The following MACROD2 variants were observed in gnomAD, a reference collection of about 807,000 sequenced individuals.
MACROD2 encodes the protein mono-ADP ribosylhydrolase 2.
In MACROD2, 36 loss-of-function variants were observed where a neutral mutation model predicts 70.4. The observed-to-expected ratio is 0.51, with a 90% CI of 0.39 to 0.68. The LOEUF is 0.68. MACROD2 is among the 30% of genes least tolerant of loss of function. MACROD2 has a pLI of 0.00. For synonymous variants in MACROD2, 172 were observed against 178.8 expected (o/e 0.96, Z 0.30); for missense variants, 496 against 538.4 (o/e 0.92, Z 0.78).
intron 8 of MACROD2, among the ~76,000 whole-genome samples, chr20:15,521,002 G>A (rs1240353692): frequency 5.3e-5 from 8 of 152,208 alleles, no homozygotes; most frequent in African/African-American, 1.9e-4. Context: ...GCAAGTGGGT[G>A]TTTAAACCAC....
chr20:15,763,322 T>A (rs573058131), intron 8 of MACROD2, among the ~76,000 whole-genome samples: 17 of 151,696 alleles, frequency 1.1e-4, no homozygotes, highest in African/African-American at 3.9e-4. Flanking sequence ...CAGCAGTGAG[T>A]TGAATTGGGA....
chr20:14,854,152 G>A (rs998782157), intron 5 of MACROD2, among the ~76,000 whole-genome samples: 14 of 152,134 alleles, frequency 9.2e-5, no homozygotes, highest in Non-Finnish European at 5.9e-5. Context: ...GCACCAATCA[G>A]AGAATGTCGA....
intron 4 of MACROD2, among the ~76,000 whole-genome samples, chr20:14,533,174 G>A (rs13039974): frequency 6.6e-6 from 1 of 152,186 alleles, no homozygotes; most frequent in African/African-American, 2.4e-5. Flanking sequence ...AACCTTATAA[G>A]GAAAGTAACT....
chr20:15,638,128 CA>C (rs1246384377), intron 8 of MACROD2, among the ~76,000 whole-genome samples: 1 of 152,092 alleles, frequency 6.6e-6, no homozygotes, highest in Non-Finnish European at 1.5e-5. Context: ...CACCTGGCTG[CA>C]AAACAAACAC....
chr20:15,059,983 CAAATAT>C, intron 5 of MACROD2, among the ~76,000 whole-genome samples: 1 of 152,188 alleles, frequency 6.6e-6, no homozygotes, highest in East Asian at 1.9e-4. Flanking sequence ...AGATTAGAGG[CAAATAT>C]AAATATGACC....
chr20:15,597,971 C>T (rs2048767957), intron 8 of MACROD2, among the ~76,000 whole-genome samples: 2 of 152,170 alleles, frequency 1.3e-5, no homozygotes, highest in South Asian at 2.1e-4. Flanking sequence ...CCCAGCTGCT[C>T]CAGAGGCTGA....
At chr20:14,942,785 TAAAAAGAGCAG>T (rs2074401239) in intron 5 of MACROD2, among the ~76,000 whole-genome samples, 1 of 152,058 alleles carries the variant, frequency 6.6e-6, no homozygotes, top group Admixed American at 6.6e-5. Flanking sequence ...CCTAAATTTT[TAAAAAGAGCAG>T]AAAACTATTT....
At chr20:15,528,514 G>A (rs2047752314) in intron 8 of MACROD2, among the ~76,000 whole-genome samples, 1 of 152,168 alleles carries the variant, frequency 6.6e-6, no homozygotes, top group African/African-American at 2.4e-5. Context: ...AGGATTATCT[G>A]GCTCCAAATG....
At position 15,248,517 on chromosome 20, in the gene MACROD2, C is replaced by A. The variant is rs544015618; in HGVS notation, c.540+18456C>A. On this transcript the variant is annotated intron_variant, in intron 6 of 17. Coordinates refer to ENST00000684519, the MANE Select transcript of MACROD2 (RefSeq NM_001351661.2). The stretch of plus-strand genomic sequence containing the variant: ...TCTTTACTTACCAGTACCAGTCAAA[C>A]CCTAACACTGGTGGTATAGGGGCTT... Among the ~76,000 whole-genome samples, 10 of 152,282 alleles carry A rather than the reference C, an allele frequency of 6.6e-5. No homozygotes were observed. In the East Asian group the frequency reaches 1.5e-3, roughly 24 times the overall value.
At chr20:14,445,376 A>T (rs559138855) in intron 3 of MACROD2, among the ~76,000 whole-genome samples, 2 of 152,104 alleles carry the variant, frequency 1.3e-5, no homozygotes, top group Admixed American at 1.3e-4. Context: ...CAATTTTCCC[A>T]TAAAGGTCAT....
intron 5 of MACROD2, among the ~76,000 whole-genome samples, chr20:15,116,943 C>T (rs1255300636): frequency 3.3e-5 from 5 of 152,154 alleles, no homozygotes; most frequent in Admixed American, 6.5e-5. Context: ...TAAAATAAGA[C>T]TGTTAATACT....
At chr20:15,797,520 G>A (rs961295318) in intron 8 of MACROD2, among the ~76,000 whole-genome samples, 8 of 138,148 alleles carry the variant, frequency 5.8e-5, no homozygotes, top group African/African-American at 2.0e-4. Flanking sequence ...GCTCATCATC[G>A]GATGGTCATT....
intron 3 of MACROD2, among the ~76,000 whole-genome samples, chr20:14,262,326 A>C (rs562343409): frequency 6.6e-6 from 1 of 152,320 alleles, no homozygotes; most frequent in South Asian, 2.1e-4. Flanking sequence ...GGTGGAATGT[A>C]GGTTGGCTTC....
chr20:14,259,988 C>T (rs1419707135), intron 3 of MACROD2, among the ~76,000 whole-genome samples: 1 of 152,164 alleles, frequency 6.6e-6, no homozygotes, highest in African/African-American at 2.4e-5. Flanking sequence ...GACAAGTGTG[C>T]TTTGCTCTTG....
intron 3 of MACROD2, among the ~76,000 whole-genome samples, chr20:14,226,651 G>T (rs944080487): frequency 1.3e-5 from 2 of 152,240 alleles, no homozygotes; most frequent in Non-Finnish European, 2.9e-5. Context: ...TAGCACCCGG[G>T]CCAGCGGCTG....
chr20:15,862,876 G>A, intron 9 of MACROD2, 50 bp downstream of exon 9: 1 of 1,384,764 alleles, frequency 7.2e-7, no homozygotes, highest in Non-Finnish European at 1.0e-6. Flanking sequence ...TGGAAGAAGT[G>A]GAGCCGTCAC....
At chr20:15,217,254 G>T (rs141600606) in intron 5 of MACROD2, among the ~76,000 whole-genome samples, 156 of 152,182 alleles carry the variant, frequency 1.0e-3, no homozygotes, top group African/African-American at 3.5e-3. Context: ...GTATGCACGT[G>T]GTAAATGCAA....
At chr20:14,705,027 A>C (rs765742458) in intron 5 of MACROD2, among the ~76,000 whole-genome samples, 2 of 151,948 alleles carry the variant, frequency 1.3e-5, no homozygotes, top group Non-Finnish European at 2.9e-5. Context: ...AGATAGTAAA[A>C]TGATTACTAT....
intron 8 of MACROD2, among the ~76,000 whole-genome samples, chr20:15,634,457 T>G (rs1250272534): frequency 6.6e-6 from 1 of 152,246 alleles, no homozygotes; most frequent in East Asian, 1.9e-4. Context: ...CCAGGGCTGA[T>G]AAACTCTGTT....
Sources: gnomAD v4.1 joint callset for allele counts (sites outside exome capture counted in the v4.1 genomes callset) on GRCh38, gnomAD v4.1.1 for gene constraint, MANE v1.5 for transcripts, NCBI Gene and HGNC (gene_info 2026-07-23, HGNC 2026-07-21) for gene names.